The following LSM12 variants were observed in gnomAD, a reference collection of about 807,000 sequenced individuals.
LSM12 encodes protein LSM12.
For missense variants in LSM12, 108 were observed against 238.9 expected, an observed-to-expected ratio of 0.45 and a Z score of 3.61; for synonymous variants, 74 against 87.3, an observed-to-expected ratio of 0.85 and a Z score of 0.85.
intron 2 of LSM12, among the ~76,000 whole-genome samples, chr17:44,060,246 T>A (rs1370883414): frequency 1.3e-5 from 2 of 152,334 alleles, no homozygotes; most frequent in African/African-American, 4.8e-5. Context: ...TCAACAGTTT[T>A]CTTCCAGACA....
chr17:44,050,496 C>A (rs959284119), intron 2 of LSM12, among the ~76,000 whole-genome samples: 5 of 151,224 alleles, frequency 3.3e-5, no homozygotes, highest in African/African-American at 1.2e-4. Context: ...TGTTCCCTAG[C>A]TGAAAGCTTG....
chr17:44,048,549 A>G (rs950958064), intron 2 of LSM12, among the ~76,000 whole-genome samples: 7 of 152,114 alleles, frequency 4.6e-5, no homozygotes, highest in African/African-American at 1.4e-4. Context: ...CCCATTTTCA[A>G]TGCAAACATG....
intron 2 of LSM12, among the ~76,000 whole-genome samples, chr17:44,061,995 G>A (rs562316834): frequency 4.6e-4 from 70 of 152,258 alleles, no homozygotes; most frequent in South Asian, 8.3e-4. Flanking sequence ...GCCGAGGCGG[G>A]CGGATCACAA....
At chr17:44,046,727 AG>A (rs1420784202) in intron 2 of LSM12, among the ~76,000 whole-genome samples, 9 of 147,738 alleles carry the variant, frequency 6.1e-5, no homozygotes, top group Non-Finnish European at 1.2e-4. Flanking sequence ...AAAAAAAAAA[AG>A]GAACTGTCAA....
intron 4 of LSM12, 102 bp downstream of exon 4, chr17:44,037,310 A>T: frequency 7.4e-7 from 1 of 1,345,106 alleles, no homozygotes; most frequent in Non-Finnish European, 9.9e-7. Context: ...CTGCTGCTAG[A>T]GGAGGCAGAG....
intron 2 of LSM12, among the ~76,000 whole-genome samples, chr17:44,046,855 C>G (rs1432797949): frequency 1.4e-5 from 2 of 147,356 alleles, no homozygotes; most frequent in Non-Finnish European, 3.0e-5. Flanking sequence ...CTCAGTCTCC[C>G]GAGTAGCTGG....
At chr17:44,037,114 A>C (rs2049426492) in intron 4 of LSM12, 1 of 233,018 alleles carries the variant, frequency 4.3e-6, no homozygotes, top group Admixed American at 5.7e-5. Context: ...TAAAAAAGAA[A>C]AACTCAATAT....
chr17:44,050,745 C>A (rs1374914581), intron 2 of LSM12, among the ~76,000 whole-genome samples: 1 of 151,776 alleles, frequency 6.6e-6, no homozygotes, highest in African/African-American at 2.4e-5. Flanking sequence ...GGTCTCGAAC[C>A]CCTGACCGCA....
intron 2 of LSM12, among the ~76,000 whole-genome samples, chr17:44,052,394 G>C: frequency 6.6e-6 from 1 of 152,114 alleles, no homozygotes. Context: ...TGAAGTGGGA[G>C]GATCGCTTGA....
chr17:44,049,985 C>T (rs2049621409), intron 2 of LSM12, among the ~76,000 whole-genome samples: 1 of 152,218 alleles, frequency 6.6e-6, no homozygotes, highest in African/African-American at 2.4e-5. Flanking sequence ...GCCTGCAAGC[C>T]TGGTGGGTGT....
chr17:44,066,994 G>A (rs543463930), upstream of LSM12, among the ~76,000 whole-genome samples: 1 of 152,312 alleles, frequency 6.6e-6, no homozygotes, highest in African/African-American at 2.4e-5. Flanking sequence ...AGGACTTAAC[G>A]ATACTTGGAC....
chr17:44,062,493 G>A (rs1364525186), intron 2 of LSM12, among the ~76,000 whole-genome samples: 3 of 152,172 alleles, frequency 2.0e-5, no homozygotes, highest in Admixed American at 1.3e-4. Flanking sequence ...ATTCTGGAAG[G>A]AAAAATGTTC....
Position 44,066,405 on chromosome 17 carries a change from C to T in LSM12, c.124+59G>A, listed in dbSNP as rs1362049041. The T allele has an allele frequency of 5.3e-6, 8 of 1,508,762 alleles. No homozygotes were observed. In the African/African-American group the frequency reaches 7.3e-5, roughly 14 times the overall value. The allele number at this position is 1,508,762 out of a possible 1,614,324, so 93.5% of individuals were successfully genotyped here. The stretch of plus-strand genomic sequence containing the variant: ...CCCAGCCGCCGCCGTCGTCCCCCAC[C>T]CCCCGACCACCGCACCTACACGCCG... On this transcript the variant is annotated intron_variant, in intron 1 of 4. Coordinates refer to ENST00000293406, the MANE Select transcript of LSM12 (RefSeq NM_001371445.1).
chr17:44,064,690 G>T (rs572945060), intron 1 of LSM12, among the ~76,000 whole-genome samples: 1 of 148,548 alleles, frequency 6.7e-6, no homozygotes, highest in African/African-American at 2.5e-5. Context: ...CCGAGATGGT[G>T]CCACTGCACT....
In LSM12 at chr17:44,034,833, G is replaced by C. The variant is rs1285033422; in HGVS notation, c.*1375C>G. 1.5e-4 allele frequency: 13 copies of C among 86,286 alleles called. No homozygotes were observed. Among genetic ancestry groups the C allele is most frequent in the African/African-American group, 5.4e-4 (11 of 20,514 alleles). The allele number at this position is 86,286 out of a possible 1,614,324, so 5.3% of individuals were successfully genotyped here. A position where few individuals can be genotyped will look rare whatever the true frequency, so the allele number is the denominator to read the frequency against. ...CCCAAAGCTCTAGCCAGTCATGTGA[G>C]CATCACCCACATCCCACTCAGTGCC... is the stretch of plus-strand genomic sequence containing the variant. On this transcript the variant is annotated 3_prime_UTR_variant, in exon 5 of 5. Coordinates refer to ENST00000293406, the MANE Select transcript of LSM12 (RefSeq NM_001371445.1).
chr17:44,037,381 T>C (rs2049430066), intron 4 of LSM12, 31 bp downstream of exon 4: 5 of 1,551,000 alleles, frequency 3.2e-6, no homozygotes, highest in African/African-American at 2.8e-5. Flanking sequence ...CCATCCTCTC[T>C]CCCCTAAAGT....
chr17:44,046,430 G>A (rs2096767202), intron 2 of LSM12, among the ~76,000 whole-genome samples: 1 of 151,570 alleles, frequency 6.6e-6, no homozygotes, highest in Non-Finnish European at 1.5e-5. Context: ...CAAAATGGCC[G>A]GGTGCAGTGG....
chr17:44,041,697 C>T (rs922642329), intron 2 of LSM12, among the ~76,000 whole-genome samples: 2 of 152,194 alleles, frequency 1.3e-5, no homozygotes, highest in African/African-American at 4.8e-5. Context: ...AATCTCGTAA[C>T]TTCTACCCTG....
chr17:44,052,159 C>T (rs2049653226), intron 2 of LSM12, among the ~76,000 whole-genome samples: 1 of 151,224 alleles, frequency 6.6e-6, no homozygotes, highest in South Asian at 2.1e-4. Flanking sequence ...ACGCCTGAGC[C>T]AAGGAGGTCG....
Sources: allele counts gnomAD v4.1 joint callset (sites outside exome capture counted in the v4.1 genomes callset), GRCh38; gene constraint gnomAD v4.1.1; transcripts MANE v1.5; gene names NCBI Gene and HGNC (gene_info 2026-07-23, HGNC 2026-07-21).